NSD2: variants seen among roughly 807,000 people sequenced by gnomAD.
The protein encoded by NSD2 is nuclear receptor binding SET domain protein 2, also known as histone-lysine N-methyltransferase NSD2.
In NSD2, 12 loss-of-function variants were observed where a neutral mutation model predicts 139.0. That is an observed-to-expected ratio of 0.09 (90% CI 0.06 to 0.14). The LOEUF (loss-of-function observed/expected upper bound fraction) is 0.14. Ranked by LOEUF, NSD2 falls within the 10% of genes least tolerant of loss-of-function variation. The pLI, the probability that NSD2 is intolerant of heterozygous loss-of-function variation, is 1.00. For missense variants in NSD2, 1,155 were observed against 1,745.0 expected (o/e 0.66, Z 6.02); for synonymous variants, 669 against 648.7 (o/e 1.03, Z -0.48).
chr4:1,880,113 G>A (rs1356770919), intron 1 of NSD2, among the ~76,000 whole-genome samples: 1 of 152,100 alleles, frequency 6.6e-6, no homozygotes, highest in Non-Finnish European at 1.5e-5. Flanking sequence ...GTTAAAATAT[G>A]TGTTAGAAAT....
At chr4:1,930,886 G>A (rs559235298) in intron 6 of NSD2, 116 bp downstream of exon 6, 41 of 1,362,258 alleles carry the variant, frequency 3.0e-5, no homozygotes, top group South Asian at 8.2e-5. Flanking sequence ...TTTCTGACCC[G>A]TGGGGTTTGG....
At chr4:1,938,026 C>T (rs1163323418) in intron 7 of NSD2, among the ~76,000 whole-genome samples, 2 of 152,196 alleles carry the variant, frequency 1.3e-5, no homozygotes, top group African/African-American at 4.8e-5. Flanking sequence ...GATTGGGCAC[C>T]TCTTGAATGG....
Position 1,918,210 on chromosome 4 carries a change from G to T in NSD2, c.997G>T (p.Ala333Ser). The change falls in exon 5 of 22, where the codon GCA (alanine) becomes TCA (serine). Residue 333 changes from alanine (A) to serine (S), a missense_variant. This residue lies in a region of NSD2 where 420 missense variants were observed against 469.0 expected (regional missense o/e 0.90). Coordinates refer to ENST00000508803, the MANE Select transcript of NSD2 (RefSeq NM_001042424.3). ...EMGIVQAEEA[A>S]SMSVEERKAK... is the part of the protein sequence containing the mutation. The stretch of plus-strand genomic sequence containing the variant: ...GGGCATTGTTCAAGCAGAAGAAGCT[G>T]CAAGCATGTCAGTGGAGGAGCGGAA... 6.2e-7 allele frequency: 1 copy of T among 1,613,574 alleles called. No homozygotes were observed. Among genetic ancestry groups the T allele is most frequent in the Non-Finnish European group, 8.5e-7 (1 of 1,179,984 alleles).
At chr4:1,891,116 G>A (rs148070365) in intron 1 of NSD2, among the ~76,000 whole-genome samples, 1 of 152,138 alleles carries the variant, frequency 6.6e-6, no homozygotes, top group Admixed American at 6.5e-5. Flanking sequence ...CTGATGTCGA[G>A]TTCTTGGGCT....
chr4:1,969,185 G>C (rs1726180935), intron 18 of NSD2, among the ~76,000 whole-genome samples: 2 of 152,184 alleles, frequency 1.3e-5, no homozygotes, highest in Non-Finnish European at 1.5e-5. Flanking sequence ...GAGCTCCTGG[G>C]AAGAAGAGAT....
chr4:1,918,529 C>T lies in NSD2; in HGVS notation c.1316C>T (p.Pro439Leu), dbSNP rs1299204529. The T allele has an allele frequency of 2.5e-6, 4 of 1,613,870 alleles. No homozygotes were observed. Among genetic ancestry groups the T allele is most frequent in the Admixed American group, 1.7e-5 (1 of 59,968 alleles). ...CCCAGAAGAGGAGTAGGGTCTCCTC[C>T]TGGGAGGAAGAAGACCACAGTCTCC... is the stretch of plus-strand genomic sequence containing the variant. ...ADPRRGVGSP[P>L]GRKKTTVSMP... The change falls in exon 5 of 22, where the codon CCT becomes CTT. Residue 439 changes from proline (P) to leucine (L), a missense_variant. Pro to Leu is a moderately conservative substitution (Grantham distance 98, BLOSUM62 -3). This residue lies in a region of NSD2 where 420 missense variants were observed against 469.0 expected (regional missense o/e 0.90). Transcript: ENST00000508803.
intron 6 of NSD2, among the ~76,000 whole-genome samples, chr4:1,931,616 G>T (rs1218336412): frequency 1.3e-5 from 2 of 152,150 alleles, no homozygotes; most frequent in Non-Finnish European, 2.9e-5. Context: ...CTAAAGGGAA[G>T]TCGGGGCCCA....
intron 18 of NSD2, among the ~76,000 whole-genome samples, chr4:1,965,805 C>G (rs2108992208): frequency 6.6e-6 from 1 of 152,312 alleles, no homozygotes; most frequent in Non-Finnish European, 1.5e-5. Flanking sequence ...CCAGGAAAAA[C>G]TACCATTTAT....
intron 3 of NSD2, among the ~76,000 whole-genome samples, chr4:1,912,391 T>A (rs1321075490): frequency 6.6e-6 from 1 of 152,210 alleles, no homozygotes. Flanking sequence ...TTACATAATT[T>A]TGACTATGTA....
At chr4:1,921,320 A>G (rs888846792) in intron 5 of NSD2, among the ~76,000 whole-genome samples, 2 of 151,416 alleles carry the variant, frequency 1.3e-5, no homozygotes, top group African/African-American at 4.9e-5. Context: ...TAAGCTGGGC[A>G]TGGTGGCGTG....
intron 8 of NSD2, 23 bp from the exon 9 acceptor site, chr4:1,939,631 T>A (rs759328148): frequency 4.3e-6 from 7 of 1,613,114 alleles, no homozygotes; most frequent in African/African-American, 4.0e-5. Context: ...TTTGAAACTT[T>A]ACAAACCAAA....
intron 6 of NSD2, among the ~76,000 whole-genome samples, chr4:1,931,069 G>C (rs572644611): frequency 6.6e-6 from 1 of 152,254 alleles, no homozygotes; most frequent in Admixed American, 6.5e-5. Context: ...GTGAAGAGAG[G>C]ACACAAGAAG....
chr4:1,887,715 G>C (rs1715223689), intron 1 of NSD2: 1 of 152,100 alleles, frequency 6.6e-6, no homozygotes, highest in Admixed American at 6.6e-5. Flanking sequence ...AATATAAATT[G>C]TTACATTGTT....
chr4:1,930,352 A>G (rs1315656903), intron 5 of NSD2, among the ~76,000 whole-genome samples: 2 of 152,150 alleles, frequency 1.3e-5, no homozygotes, highest in East Asian at 1.9e-4. Context: ...GGAAAAGTAT[A>G]TATATATTTT....
intron 5 of NSD2, among the ~76,000 whole-genome samples, chr4:1,923,979 C>T (rs982675798): frequency 6.6e-6 from 1 of 152,130 alleles, no homozygotes; most frequent in African/African-American, 2.4e-5. Context: ...AAGTGGGCAG[C>T]TGTGAAGGTA....
chr4:1,943,040 C>G, intron 9 of NSD2: 1 of 1,050,572 alleles, frequency 9.5e-7, no homozygotes. Context: ...GGCCCCGGAC[C>G]AAGGGGATAC....
intron 1 of NSD2, among the ~76,000 whole-genome samples, chr4:1,880,908 G>A (rs1714648453): frequency 6.6e-6 from 1 of 152,122 alleles, no homozygotes; most frequent in Non-Finnish European, 1.5e-5. Context: ...GACAGAATTT[G>A]GAACACTGAT....
At chr4:1,874,664 T>C (rs974372284) in intron 1 of NSD2, among the ~76,000 whole-genome samples, 1 of 152,078 alleles carries the variant, frequency 6.6e-6, no homozygotes, top group Admixed American at 6.6e-5. Context: ...CTCTGAAACA[T>C]TGCAAGTATA....
chr4:1,941,983 A>C, intron 9 of NSD2: 1 of 1,090,430 alleles, frequency 9.2e-7, no homozygotes, highest in Non-Finnish European at 1.1e-6. Flanking sequence ...TTGCTGTTTG[A>C]GGTCCACACT....
Sources: gnomAD v4.1 joint callset for allele counts (sites outside exome capture counted in the v4.1 genomes callset) on GRCh38, gnomAD v4.1.1 for gene constraint, gnomAD v4.1.1 regional missense constraint, MANE v1.5 for transcripts, NCBI Gene and HGNC (gene_info 2026-07-23, HGNC 2026-07-21) for gene names.